The following CDH13 variants were observed in gnomAD, a reference collection of about 807,000 sequenced individuals.
The protein encoded by CDH13 is cadherin-13.
A neutral mutation model predicts 63.8 loss-of-function variants in CDH13; 24 were observed. The ratio of observed to expected loss-of-function variants is 0.38; its 90% CI spans 0.27 to 0.53. The LOEUF is 0.53. Ranked by LOEUF, CDH13 falls within the 20% of genes least tolerant of loss-of-function variation. The probability of loss-of-function intolerance (pLI) is 0.85; values close to 1 mark genes in which losing one functional copy is unlikely to be tolerated. For missense variants in CDH13, 1,049 were observed against 903.1 expected, an observed-to-expected ratio of 1.16 and a Z score of -2.07; for synonymous variants, 503 against 355.3, an observed-to-expected ratio of 1.42 and a Z score of -4.67.
intron 6 of CDH13, among the ~76,000 whole-genome samples, chr16:83,446,771 C>T (rs776903097): frequency 6.6e-6 from 1 of 152,042 alleles, no homozygotes; most frequent in Admixed American, 6.5e-5. Context: ...AACTCCTGGG[C>T]AACTGGAATG....
intron 1 of CDH13, among the ~76,000 whole-genome samples, chr16:82,676,163 A>G (rs1008976337): frequency 2.6e-5 from 4 of 152,136 alleles, no homozygotes; most frequent in Admixed American, 2.6e-4. Context: ...CTGACCACCA[A>G]TAATTCATAT....
intron 3 of CDH13, among the ~76,000 whole-genome samples, chr16:83,036,056 C>A (rs1173225737): frequency 6.6e-6 from 1 of 151,254 alleles, no homozygotes; most frequent in Non-Finnish European, 1.5e-5. Flanking sequence ...CACAATGGGG[C>A]TGTTTCTTGC....
intron 7 of CDH13, among the ~76,000 whole-genome samples, chr16:83,563,786 G>C (rs1030709091): frequency 6.6e-6 from 1 of 152,022 alleles, no homozygotes; most frequent in Non-Finnish European, 1.5e-5. Flanking sequence ...CCTATTTTCT[G>C]CCTTTCCTCT....
intron 7 of CDH13, among the ~76,000 whole-genome samples, chr16:83,514,745 A>G (rs1231603606): frequency 6.6e-6 from 1 of 152,208 alleles, no homozygotes. Context: ...TGATGAGTCT[A>G]TAAACCAAGA....
chr16:83,268,685 C>T (rs1017111568), intron 5 of CDH13, among the ~76,000 whole-genome samples: 1 of 152,134 alleles, frequency 6.6e-6, no homozygotes, highest in Non-Finnish European at 1.5e-5. Context: ...GACATTCTTC[C>T]TACACAAAAA....
intron 2 of CDH13, among the ~76,000 whole-genome samples, chr16:82,868,886 C>G (rs1294399201): frequency 6.6e-6 from 1 of 152,134 alleles, no homozygotes; most frequent in Non-Finnish European, 1.5e-5. Flanking sequence ...CGATCCTTTA[C>G]CAACTAAGTA....
intron 7 of CDH13, among the ~76,000 whole-genome samples, chr16:83,575,039 A>G (rs1598314615): frequency 1.3e-5 from 2 of 152,350 alleles, no homozygotes; most frequent in South Asian, 4.1e-4. Flanking sequence ...GGGCCTGTCC[A>G]TACAATAGAA....
At chr16:83,747,956 T>A (rs1445962699) in intron 10 of CDH13, among the ~76,000 whole-genome samples, 152 bp from the exon 11 acceptor site, 1 of 151,970 alleles carries the variant, frequency 6.6e-6, no homozygotes, top group East Asian at 1.9e-4. Flanking sequence ...CCTCTTGACT[T>A]TGTGAATGAG....
intron 5 of CDH13, among the ~76,000 whole-genome samples, chr16:83,311,511 T>G (rs1229315740): frequency 6.6e-6 from 1 of 152,188 alleles, no homozygotes; most frequent in Admixed American, 6.5e-5. Context: ...GCATGTGGAT[T>G]TTGTATATAC....
At chr16:82,692,878 C>G (rs1035401313) in intron 1 of CDH13, among the ~76,000 whole-genome samples, 2 of 152,200 alleles carry the variant, frequency 1.3e-5, no homozygotes, top group Admixed American at 6.5e-5. Flanking sequence ...CTGGTCTTCA[C>G]GGCCTCAGGT....
intron 1 of CDH13, among the ~76,000 whole-genome samples, chr16:82,764,377 T>C (rs1457612241): frequency 6.6e-6 from 1 of 152,150 alleles, no homozygotes; most frequent in Non-Finnish European, 1.5e-5. Flanking sequence ...CTCTACTCTC[T>C]GAGGAGGATT....
At chr16:82,990,547 G>GTTT (rs369121464) in intron 2 of CDH13, among the ~76,000 whole-genome samples, 16,173 of 139,720 alleles carry the variant, frequency 0.12, 1,039 homozygotes, top group African/African-American at 0.17. Context: ...TTTGGTTTGG[G>GTTT]TTTTTTTTTT....
At chr16:83,672,220 T>G (rs1286701236) in intron 9 of CDH13, among the ~76,000 whole-genome samples, 1 of 152,092 alleles carries the variant, frequency 6.6e-6, no homozygotes, top group African/African-American at 2.4e-5. Flanking sequence ...GTTGTTATAA[T>G]GAAGTACTGT....
intron 1 of CDH13, among the ~76,000 whole-genome samples, chr16:82,816,484 C>T (rs1567564188): frequency 1.3e-5 from 2 of 152,200 alleles, no homozygotes; most frequent in East Asian, 3.9e-4. Context: ...TGGGGAGGAA[C>T]AGTTGTAACT....
chr16:83,365,851 A>T (rs1299006030), intron 6 of CDH13, among the ~76,000 whole-genome samples: 1 of 152,190 alleles, frequency 6.6e-6, no homozygotes, highest in Non-Finnish European at 1.5e-5. Context: ...AGTGTGAGAA[A>T]TAAATCCATT....
At chr16:83,326,154 T>C (rs1427033764) in intron 5 of CDH13, among the ~76,000 whole-genome samples, 2 of 152,296 alleles carry the variant, frequency 1.3e-5, no homozygotes, top group East Asian at 3.9e-4. Flanking sequence ...AGGTCTTTTA[T>C]TCATCTTTCC....
chr16:83,063,939 G>A (rs2031792421), intron 3 of CDH13, among the ~76,000 whole-genome samples: 1 of 152,152 alleles, frequency 6.6e-6, no homozygotes, highest in South Asian at 2.1e-4. Flanking sequence ...GCAAGTGGAA[G>A]GGACAGAATC....
At chr16:83,744,439 C>T (rs1303928894) in intron 10 of CDH13, among the ~76,000 whole-genome samples, 1 of 152,352 alleles carries the variant, frequency 6.6e-6, no homozygotes, top group East Asian at 1.9e-4. Context: ...AGTAATTCAT[C>T]GCTTCTGTTT....
At chr16:82,862,651 C>T (rs1221429457) in intron 2 of CDH13, among the ~76,000 whole-genome samples, 1 of 152,186 alleles carries the variant, frequency 6.6e-6, no homozygotes, top group Non-Finnish European at 1.5e-5. Flanking sequence ...ACAGAAATCA[C>T]AGCATCTGAA....
Sources: gnomAD v4.1 joint callset for allele counts (sites outside exome capture counted in the v4.1 genomes callset) on GRCh38, gnomAD v4.1.1 for gene constraint, MANE v1.5 for transcripts, NCBI Gene and HGNC (gene_info 2026-07-23, HGNC 2026-07-21) for gene names.